The following RAB44 variants were observed in gnomAD, a reference collection of about 807,000 sequenced individuals.
RAB44 encodes RAB44, member RAS oncogene family.
In RAB44, 67 loss-of-function variants were observed where a neutral mutation model predicts 93.3. That is an observed-to-expected ratio of 0.72 (90% confidence interval 0.59 to 0.88). The LOEUF is 0.88. Ranked by LOEUF, RAB44 falls within the 40% of genes least tolerant of loss-of-function variation. The pLI, the probability that RAB44 is intolerant of heterozygous loss-of-function variation, is 0.00. For synonymous variants in RAB44, 427 were observed against 520.3 expected, an observed-to-expected ratio of 0.82 and a Z score of 2.44; for missense variants, 1,064 against 1,261.7, an observed-to-expected ratio of 0.84 and a Z score of 2.37.
intron 9 of RAB44, among the ~76,000 whole-genome samples, chr6:36,723,835 C>T (rs1181299160): frequency 5.7e-5 from 2 of 35,274 alleles, no homozygotes; most frequent in South Asian, 8.4e-4. Context: ...ATTCCGTCTC[C>T]CAAAAAAAAA....
rs373790862 is a variant in RAB44 at position 36,708,422 on chromosome 6, T to C, written c.207+3980T>C. Among the ~76,000 whole-genome samples the C allele has an allele frequency of 3.9e-5, 6 of 152,190 alleles. No individual in the cohort carries two copies. In the East Asian group the frequency reaches 1.2e-3, roughly 29 times the overall value. On this transcript the variant is annotated intron_variant, in intron 2 of 13. Transcript: ENST00000612677. Reference sequence around the variant, plus strand: ...ATAGTGTTGAAGTATTTAAAACATATAGAGAAAGATATCTTAAAATTTTTA... The same window carrying C: ...ATAGTGTTGAAGTATTTAAAACATACAGAGAAAGATATCTTAAAATTTTTA...
rs1361207055 is a variant in RAB44, at chr6:36,727,583, C to G, written c.2688C>G (p.His896Gln). Residue 896 changes from histidine to glutamine, a missense_variant, in exon 11 of 14, where the codon CAC (histidine) becomes CAG (glutamine). Physicochemically the swap from His to Gln is conservative, Grantham distance 24. Coordinates refer to ENST00000612677, the MANE Select transcript of RAB44 (RefSeq NM_001257357.2). Reference protein sequence around the residue: ...LWDTAGQERYHSMTRQLLRKA... With the variant: ...LWDTAGQERYQSMTRQLLRKA... ...ATGCAGACTCTCTGGGCAGGTACCA[C>G]AGTATGACGCGACAGCTGCTCCGCA... 1 of 1,550,132 alleles carries G rather than the reference C, an allele frequency of 6.5e-7. No homozygotes were observed. The highest frequency in any genetic ancestry group is 8.7e-7 in the Non-Finnish European group (1 of 1,146,666).
chr6:36,713,205 A>AT (rs1198955373), intron 2 of RAB44, among the ~76,000 whole-genome samples: 3 of 152,076 alleles, frequency 2.0e-5, no homozygotes, highest in African/African-American at 7.2e-5. Flanking sequence ...TTTTATTTTT[A>AT]TTTTTTTGAA....
chr6:36,719,762 G>T (rs961973282), intron 7 of RAB44, among the ~76,000 whole-genome samples: 1 of 152,258 alleles, frequency 6.6e-6, no homozygotes, highest in African/African-American at 2.4e-5. Flanking sequence ...CATCCAGGCA[G>T]AGGGAACAGC....
chr6:36,712,762 C>A (rs1762818404), intron 2 of RAB44, among the ~76,000 whole-genome samples: 1 of 152,146 alleles, frequency 6.6e-6, no homozygotes, highest in Non-Finnish European at 1.5e-5. Context: ...ATTTTTCAAC[C>A]AATAGGCATT....
chr6:36,709,216 G>A (rs1762722937), intron 2 of RAB44, among the ~76,000 whole-genome samples: 2 of 152,238 alleles, frequency 1.3e-5, no homozygotes, highest in South Asian at 4.1e-4. Context: ...CTCCCAAAGT[G>A]CTGGGATTAC....
chr6:36,711,733 C>T (rs1762791922), intron 2 of RAB44, among the ~76,000 whole-genome samples: 1 of 151,902 alleles, frequency 6.6e-6, no homozygotes, highest in South Asian at 2.1e-4. Flanking sequence ...AAGTATTTCA[C>T]ACTGACATAA....
rs1226625042 is a variant in RAB44, at chr6:36,728,690, CT to C, written c.2797-9del. 6.5e-7 allele frequency: 1 copy of C among 1,549,308 alleles called. No individual in the cohort carries two copies. The highest frequency in any genetic ancestry group is 2.0e-5 in the Admixed American group (1 of 51,002). On this transcript the variant is annotated splice_polypyrimidine_tract_variant and intron_variant, in intron 11 of 13. Coordinates refer to ENST00000612677, the MANE Select transcript of RAB44 (RefSeq NM_001257357.2). Reference sequence around the variant, plus strand: ...GTGGGTGTGGCTGACAGAACATGTTCTGTGTGCAGGATGCAGGGTCGGATGG... The same window carrying C: ...GTGGGTGTGGCTGACAGAACATGTTCGTGTGCAGGATGCAGGGTCGGATGG...
At chr6:36,711,843 C>T (rs1439715977) in intron 2 of RAB44, among the ~76,000 whole-genome samples, 2 of 149,416 alleles carry the variant, frequency 1.3e-5, no homozygotes, top group African/African-American at 5.0e-5. Flanking sequence ...GTGGAGGTTG[C>T]AGTGAGCCAA....
intron 2 of RAB44, among the ~76,000 whole-genome samples, chr6:36,709,616 C>T (rs760452218): frequency 3.9e-5 from 6 of 152,068 alleles, no homozygotes; most frequent in Non-Finnish European, 7.4e-5. Flanking sequence ...AGTGCAGTGG[C>T]GCAATCTCAG....
chr6:36,715,391 C>A lies in RAB44; in HGVS notation c.320-88C>A, dbSNP rs950961763. On this transcript the variant is annotated intron_variant, in intron 3 of 13. Transcript: ENST00000612677. Reference sequence around the variant, plus strand: ...GTGACTGGCACAGGTAGAATTACTTCCCTGAGGGCTGGACCAGGGCTGGGT... The same window carrying A: ...GTGACTGGCACAGGTAGAATTACTTACCTGAGGGCTGGACCAGGGCTGGGT... 3 of 1,214,998 alleles carry A rather than the reference C, an allele frequency of 2.5e-6. No homozygotes were observed. In the African/African-American group the frequency reaches 4.6e-5, roughly 18 times the overall value. 75.3% of individuals were successfully genotyped at this position (1,214,998 alleles called of 1,614,324 possible).
chr6:36,715,689 C>G (rs1186534922), intron 4 of RAB44, 36 bp downstream of exon 4: 3 of 1,528,710 alleles, frequency 2.0e-6, no homozygotes, highest in Middle Eastern at 1.8e-4. Flanking sequence ...GGGAGAGGCT[C>G]TGCCAGCCAT....
rs57522248 is a variant in RAB44 at position 36,730,779 on chromosome 6, A to AC, written c.2975+39dup. 3,884 of 904,302 alleles carry AC rather than the reference A, an allele frequency of 4.3e-3. 1 individual carries two copies. Among genetic ancestry groups the AC allele is most frequent in the East Asian group, 0.011 (183 of 15,970 alleles). The allele number at this position is 904,302 out of a possible 1,614,324, so 56.0% of individuals were successfully genotyped here. On this transcript the variant is annotated intron_variant, in intron 13 of 13. Coordinates refer to ENST00000612677, the MANE Select transcript of RAB44 (RefSeq NM_001257357.2). ...GTGCTGCCCGCCCCCCGCCGCCCCC[A>AC]CCCCCCCCCTTGCAGAATCCTCTGG...
chr6:36,717,140 TG>T lies in RAB44; in HGVS notation c.495-132del. On this transcript the variant is annotated intron_variant, in intron 4 of 13. Transcript: ENST00000612677. This position sits in a 1 kb window ranked among gnomAD's most constrained non-coding sequence, Gnocchi z 4.1. ...GGCGTTTTAGTTGCATCTTGTAGGG[TG>T]TCAATAGATTTGGCCCAGGTGCCAA... is the stretch of plus-strand genomic sequence containing the variant. 1.3e-6 allele frequency: 1 copy of T among 786,342 alleles called. No individual in the cohort carries two copies. The highest frequency in any genetic ancestry group is 1.7e-6 in the Non-Finnish European group (1 of 581,766). The allele number at this position is 786,342 out of a possible 1,614,324, so 48.7% of individuals were successfully genotyped here.
chr6:36,708,845 A>G (rs1380261191), intron 2 of RAB44, among the ~76,000 whole-genome samples: 13 of 152,056 alleles, frequency 8.5e-5, no homozygotes, highest in Admixed American at 8.5e-4. Context: ...TTTAGTAGAG[A>G]TAAAGATAAA....
At chr6:36,712,575 G>C (rs11967043) in intron 2 of RAB44, among the ~76,000 whole-genome samples, 7,178 of 152,132 alleles carry the variant, frequency 0.047, 546 homozygotes, top group African/African-American at 0.16. Flanking sequence ...ATGTTGGCCA[G>C]GCTGGTCTCG....
Position 36,722,748 on chromosome 6 carries a change from G to A in RAB44, c.2599+15G>A. ...AGCTACCGTGGGTAAGGGCATTGGG[G>A]AGGGCGGCAGGGAGCAAGGAGAGAC... On this transcript the variant is annotated intron_variant, in intron 9 of 13. Coordinates refer to ENST00000612677, the MANE Select transcript of RAB44 (RefSeq NM_001257357.2). 1 of 1,550,486 alleles carries A rather than the reference G, an allele frequency of 6.4e-7. No individual in the cohort carries two copies.
chr6:36,709,084 A>C (rs1230836628), intron 2 of RAB44, among the ~76,000 whole-genome samples: 1 of 151,946 alleles, frequency 6.6e-6, no homozygotes, highest in Non-Finnish European at 1.5e-5. Context: ...AGCTGGGATT[A>C]CAGGCGCCTG....
At chr6:36,714,756 G>T (rs929538205) in intron 3 of RAB44, among the ~76,000 whole-genome samples, 1 of 152,172 alleles carries the variant, frequency 6.6e-6, no homozygotes, top group Non-Finnish European at 1.5e-5. Context: ...TGCCCGCCAC[G>T]CCAGGAACTT....
Sources: gnomAD v4.1 joint callset for allele counts (sites outside exome capture counted in the v4.1 genomes callset) on GRCh38, gnomAD v4.1.1 for gene constraint, Gnocchi (gnomAD v3.1) non-coding constraint, MANE v1.5 for transcripts, NCBI Gene and HGNC (gene_info 2026-07-23, HGNC 2026-07-21) for gene names.